UBE2V2: variants seen among roughly 807,000 people sequenced by gnomAD.
The protein encoded by UBE2V2 is ubiquitin conjugating enzyme E2 V2.
Under a neutral mutation model 17.2 loss-of-function variants are expected in UBE2V2, and 9 were observed. The observed-to-expected ratio is 0.52, with a 90% CI of 0.32 to 0.91. The LOEUF (loss-of-function observed/expected upper bound fraction) is 0.91. UBE2V2 is among the 40% of genes least tolerant of loss of function. UBE2V2 has a pLI of 0.04. For missense variants in UBE2V2, 133 were observed against 182.6 expected (o/e 0.73, Z 1.56); for synonymous variants, 61 against 57.5 (o/e 1.06, Z -0.28).
intron 2 of UBE2V2, chr8:48,043,740 T>C (rs1405330829): frequency 6.6e-6 from 1 of 152,242 alleles, no homozygotes; most frequent in East Asian, 1.9e-4. Flanking sequence ...TGTTGCTATT[T>C]GCCCTCTGAC....
chr8:48,054,493 T>C (rs542062150), intron 3 of UBE2V2, among the ~76,000 whole-genome samples: 1 of 151,050 alleles, frequency 6.6e-6, no homozygotes, highest in South Asian at 2.1e-4. Flanking sequence ...GATGTGTGTA[T>C]AGAGGGTTGT....
chr8:48,059,501 C>T (rs1238974672), intron 3 of UBE2V2, among the ~76,000 whole-genome samples: 1 of 152,026 alleles, frequency 6.6e-6, no homozygotes, highest in African/African-American at 2.4e-5. Context: ...CTCCACCTCC[C>T]AGGTTCAAGT....
the UBE2V2 span, among the ~76,000 whole-genome samples, chr8:47,997,943 G>C: frequency 3.9e-5 from 6 of 152,060 alleles, no homozygotes; most frequent in East Asian, 1.2e-3. Context: ...TTGGGGTGAG[G>C]GGAGCAGGAG....
chr8:48,016,264 A>G (rs1237439044), intron 1 of UBE2V2, among the ~76,000 whole-genome samples: 1 of 152,168 alleles, frequency 6.6e-6, no homozygotes. Context: ...TAGTGCTGCA[A>G]TAAAATGGGA....
intron 1 of UBE2V2, among the ~76,000 whole-genome samples, chr8:48,014,664 A>AG (rs1341786263): frequency 6.7e-6 from 1 of 149,950 alleles, no homozygotes; most frequent in African/African-American, 2.4e-5. Flanking sequence ...AAAAAAAAAA[A>AG]TGTGCAGGAA....
chr8:48,014,188 T>C (rs1289745318), intron 1 of UBE2V2, among the ~76,000 whole-genome samples: 1 of 152,194 alleles, frequency 6.6e-6, no homozygotes, highest in Admixed American at 6.5e-5. Flanking sequence ...TTTGATAATA[T>C]GGTACAACCT....
intron 1 of UBE2V2, among the ~76,000 whole-genome samples, chr8:48,035,283 T>A (rs541063536): frequency 1.7e-4 from 25 of 150,916 alleles, no homozygotes; most frequent in Admixed American, 6.6e-4. Flanking sequence ...GCCCAGCTAA[T>A]TTTTTTTTGG....
chr8:48,011,514 G>A (rs921477442), intron 1 of UBE2V2, among the ~76,000 whole-genome samples: 1 of 152,084 alleles, frequency 6.6e-6, no homozygotes, highest in African/African-American at 2.4e-5. Context: ...AAAGTATCTC[G>A]ATAACAGTTG....
intron 1 of UBE2V2, among the ~76,000 whole-genome samples, chr8:48,011,940 G>A (rs1468621708): frequency 6.6e-6 from 1 of 152,176 alleles, no homozygotes; most frequent in African/African-American, 2.4e-5. Context: ...GAGCCACTGT[G>A]CCTGGCCAGA....
chr8:48,016,593 C>T (rs1192188381), intron 1 of UBE2V2, among the ~76,000 whole-genome samples: 1 of 151,824 alleles, frequency 6.6e-6, no homozygotes, highest in Non-Finnish European at 1.5e-5. Flanking sequence ...AGCAATTCTC[C>T]TGCCTCAGCC....
upstream of UBE2V2, chr8:48,008,384 G>A: frequency 2.6e-6 from 4 of 1,541,226 alleles, no homozygotes; most frequent in Admixed American, 2.0e-5. Flanking sequence ...GTGCAGGGCG[G>A]CGCGCTCCCG....
At chr8:48,023,317 G>A (rs1589853353) in intron 1 of UBE2V2, among the ~76,000 whole-genome samples, 1 of 151,804 alleles carries the variant, frequency 6.6e-6, no homozygotes, top group East Asian at 2.0e-4. Flanking sequence ...CTGGGTTCAA[G>A]TGATTCTCCT....
At chr8:48,036,443 A>G (rs530308380) in intron 1 of UBE2V2, among the ~76,000 whole-genome samples, 54 of 151,342 alleles carry the variant, frequency 3.6e-4, no homozygotes, top group African/African-American at 1.3e-3. Flanking sequence ...AAAAAAATAT[A>G]TATTTTTTGA....
intron 1 of UBE2V2, among the ~76,000 whole-genome samples, chr8:48,012,858 T>A (rs2091243254): frequency 6.6e-6 from 1 of 152,182 alleles, no homozygotes; most frequent in South Asian, 2.1e-4. Context: ...CCTTTTTTTT[T>A]CTTTCGGGAT....
At chr8:48,051,883 C>G (rs2091541236) in intron 3 of UBE2V2, among the ~76,000 whole-genome samples, 1 of 152,186 alleles carries the variant, frequency 6.6e-6, no homozygotes, top group African/African-American at 2.4e-5. Flanking sequence ...CATTAACACC[C>G]CCCCACCCCT....
upstream of UBE2V2, among the ~76,000 whole-genome samples, chr8:48,006,639 T>C (rs1280291631): frequency 5.3e-5 from 8 of 151,866 alleles, no homozygotes; most frequent in Non-Finnish European, 7.4e-5. Context: ...CTTCAACATA[T>C]GCAAATCAAT....
chr8:47,999,533 T>G, the UBE2V2 span, among the ~76,000 whole-genome samples: 1 of 152,020 alleles, frequency 6.6e-6, no homozygotes, highest in Non-Finnish European at 1.5e-5. Flanking sequence ...ATTTTTTTTT[T>G]GTATTTTTAG....
intron 3 of UBE2V2, among the ~76,000 whole-genome samples, chr8:48,056,347 C>T (rs370983330): frequency 6.6e-6 from 1 of 152,040 alleles, no homozygotes; most frequent in South Asian, 2.1e-4. Flanking sequence ...CAAATATTTT[C>T]ATTTCTTTTG....
At chr8:48,055,090 A>G (rs2091563100) in intron 3 of UBE2V2, among the ~76,000 whole-genome samples, 1 of 152,114 alleles carries the variant, frequency 6.6e-6, no homozygotes. Context: ...AATCTATTTA[A>G]AATAGGCTAA....
Sources: gnomAD v4.1 joint callset for allele counts (sites outside exome capture counted in the v4.1 genomes callset) on GRCh38, gnomAD v4.1.1 for gene constraint, MANE v1.5 for transcripts, NCBI Gene and HGNC (gene_info 2026-07-23, HGNC 2026-07-21) for gene names.